The following PIGU variants were observed in gnomAD, a reference collection of about 807,000 sequenced individuals.
The protein encoded by PIGU is GPI-anchor transamidase component PIGU.
PIGU carries 24 observed loss-of-function variants against 49.9 expected under a neutral mutation model. That is an observed-to-expected ratio of 0.48 (90% CI 0.35 to 0.68). PIGU has a LOEUF of 0.68. Ranked by LOEUF, PIGU falls within the 30% of genes least tolerant of loss-of-function variation. The probability of loss-of-function intolerance (pLI) is 0.01; values close to 1 mark genes in which losing one functional copy is unlikely to be tolerated. For synonymous variants in PIGU, 220 were observed against 205.7 expected (o/e 1.07, Z -0.59); for missense variants, 490 against 532.6 (o/e 0.92, Z 0.79).
chr20:34,615,987 C>T (rs1188617924), intron 7 of PIGU, 55 bp downstream of exon 7: 2 of 1,556,778 alleles, frequency 1.3e-6, no homozygotes, highest in Non-Finnish European at 1.7e-6. Flanking sequence ...CAGCAGGGAC[C>T]AGGCCATGTA....
chr20:34,610,909 A>T (rs1984789297), intron 7 of PIGU, among the ~76,000 whole-genome samples: 1 of 152,200 alleles, frequency 6.6e-6, no homozygotes, highest in Non-Finnish European at 1.5e-5. Context: ...CCACACATCT[A>T]CAACCACCTG....
At chr20:34,569,009 A>C (rs1162344868) in intron 11 of PIGU, among the ~76,000 whole-genome samples, 2 of 152,026 alleles carry the variant, frequency 1.3e-5, no homozygotes, top group Non-Finnish European at 2.9e-5. Flanking sequence ...CAGGAGTTCG[A>C]GCTCGTAACA....
rs1986306345 is a variant in PIGU, at chr20:34,645,333, G to A, written c.197C>T (p.Thr66Ile). Residue 66 changes from threonine (T) to isoleucine (I), a missense_variant and splice_region_variant, in exon 3 of 12, where the codon ACT (threonine) becomes ATT (isoleucine). Thr to Ile is a moderately conservative substitution (Grantham distance 89). Transcript: ENST00000217446. ...ATGAAAGAGGTATATTATTAATGGA[G>A]TCTGCAGAAAAAAAACAGACATGTA... ...SPYSGAVFHETPLIIYLFHFL... is the reference protein window; with the variant it reads ...SPYSGAVFHEIPLIIYLFHFL... 1.9e-6 allele frequency: 3 copies of A among 1,562,112 alleles called. No individual in the cohort carries two copies. The highest frequency in any genetic ancestry group is 2.6e-6 in the Non-Finnish European group (3 of 1,162,032).
chr20:34,669,148 A>C (rs1792426511), intron 1 of PIGU, among the ~76,000 whole-genome samples: 1 of 151,986 alleles, frequency 6.6e-6, no homozygotes, highest in Non-Finnish European at 1.5e-5. Context: ...CAGCCTCCCA[A>C]AGTGCTGAGA....
chr20:34,644,065 T>C (rs1986251462), intron 4 of PIGU, 99 bp downstream of exon 4: 3 of 1,165,814 alleles, frequency 2.6e-6, no homozygotes, highest in Non-Finnish European at 3.8e-6. Flanking sequence ...TTCCTAGCAC[T>C]TTAAAGCATC....
At chr20:34,574,071 T>C (rs939362357) in intron 11 of PIGU, among the ~76,000 whole-genome samples, 4 of 152,186 alleles carry the variant, frequency 2.6e-5, no homozygotes, top group African/African-American at 7.2e-5. Flanking sequence ...CTATTACACA[T>C]AGGAAATGCC....
At chr20:34,573,379 C>T (rs1334688467) in intron 11 of PIGU, among the ~76,000 whole-genome samples, 2 of 152,210 alleles carry the variant, frequency 1.3e-5, no homozygotes, top group Non-Finnish European at 2.9e-5. Context: ...GTTTCTCCTG[C>T]CTTCAATGGC....
chr20:34,625,596 T>TA (rs1985449333), intron 6 of PIGU, among the ~76,000 whole-genome samples: 1 of 151,218 alleles, frequency 6.6e-6, no homozygotes, highest in South Asian at 2.1e-4. Context: ...GCTTGAGGCT[T>TA]AGAGTTCAAG....
chr20:34,581,287 C>A (rs1983447790), intron 10 of PIGU, among the ~76,000 whole-genome samples: 2 of 152,128 alleles, frequency 1.3e-5, no homozygotes, highest in African/African-American at 4.8e-5. Flanking sequence ...GTGTGAAGAT[C>A]AAATGAGCTA....
At position 34,606,254 on chromosome 20, in the gene PIGU, C is replaced by CA. The variant is rs35050660; in HGVS notation, c.627+9787dup. ...TAGGCGACAGAGTGAGACTCCGTCT[C>CA]AAAAAAAAAAAAAAAAAAAAAATTC... On this transcript the variant is annotated intron_variant, in intron 7 of 11. Transcript: ENST00000217446. Among the ~76,000 whole-genome samples the CA allele has an allele frequency of 7.0e-3, 587 of 83,282 alleles. 1 individual carries two copies. The highest frequency in any genetic ancestry group is 0.011 in the African/African-American group (250 of 21,894). 54.6% of individuals were successfully genotyped at this position (83,282 alleles called of 152,430 possible). A position where few individuals can be genotyped will look rare whatever the true frequency, so the allele number is the denominator to read the frequency against.
chr20:34,672,965 A>T lies in PIGU; in HGVS notation c.130+3991T>A, dbSNP rs575506697. Among the ~76,000 whole-genome samples, 45 of 151,946 alleles carry T rather than the reference A, an allele frequency of 3.0e-4. No individual in the cohort carries two copies. In the South Asian group the frequency reaches 9.3e-3, roughly 32 times the overall value. The stretch of plus-strand genomic sequence containing the variant: ...CAAAGAACTGATCATTCAAAAATTT[A>T]AAATGTCAGCCCGGCGTGGTGGCTC... On this transcript the variant is annotated intron_variant, in intron 1 of 11. Transcript: ENST00000217446.
intron 7 of PIGU, among the ~76,000 whole-genome samples, chr20:34,604,522 G>C (rs1359631694): frequency 1.3e-5 from 2 of 152,188 alleles, no homozygotes; most frequent in African/African-American, 4.8e-5. Context: ...GAAAATGCTT[G>C]ATCAAGCTCT....
At chr20:34,632,430 A>G (rs985749067) in intron 6 of PIGU, among the ~76,000 whole-genome samples, 5 of 150,174 alleles carry the variant, frequency 3.3e-5, no homozygotes, top group African/African-American at 1.2e-4. Context: ...GTGCAGTGGC[A>G]CAATCTTGGC....
intron 11 of PIGU, among the ~76,000 whole-genome samples, chr20:34,567,827 CT>C (rs2146692450): frequency 6.6e-6 from 1 of 151,870 alleles, no homozygotes; most frequent in African/African-American, 2.4e-5. Flanking sequence ...CTCTCTCTCT[CT>C]CCCTCCTTCA....
chr20:34,676,974 G>C lies in PIGU; in HGVS notation c.112C>G (p.Leu38Val). 6.3e-7 allele frequency: 1 copy of C among 1,578,172 alleles called. No individual in the cohort carries two copies. The highest frequency in any genetic ancestry group is 8.6e-7 in the Non-Finnish European group (1 of 1,163,004). Residue 38 changes from leucine (L) to valine (V), a missense_variant, in exon 1 of 12, where the codon CTG becomes GTG. By Grantham distance (32) the Leu-to-Val change is conservative. Coordinates refer to ENST00000217446, the MANE Select transcript of PIGU (RefSeq NM_080476.5). ...ISERVEVVSP[L>V]SSWKRVVEGL... ...GCCTCACCTCTCTTCCAAGAGCTCAGTGGGGACACCACCTCCACCCGCTCG... is the reference window on the plus strand; with the variant it reads ...GCCTCACCTCTCTTCCAAGAGCTCACTGGGGACACCACCTCCACCCGCTCG...
At chr20:34,623,357 G>A (rs1985321602) in intron 6 of PIGU, among the ~76,000 whole-genome samples, 1 of 151,606 alleles carries the variant, frequency 6.6e-6, no homozygotes, top group Non-Finnish European at 1.5e-5. Context: ...GCCTCTCTCA[G>A]AGCAATCCGT....
chr20:34,562,633 G>A, intron 11 of PIGU: 2 of 1,196,604 alleles, frequency 1.7e-6, no homozygotes, highest in Non-Finnish European at 2.2e-6. Flanking sequence ...TCAATGGTTG[G>A]CCTAAGGCTA....
At chr20:34,663,547 T>C (rs1986992049) in intron 1 of PIGU, among the ~76,000 whole-genome samples, 1 of 152,126 alleles carries the variant, frequency 6.6e-6, no homozygotes, top group Non-Finnish European at 1.5e-5. Context: ...GGGCTATAAT[T>C]ATGACTTTAA....
At chr20:34,675,689 C>T (rs936674423) in intron 1 of PIGU, among the ~76,000 whole-genome samples, 12 of 152,030 alleles carry the variant, frequency 7.9e-5, no homozygotes, top group African/African-American at 2.9e-4. Flanking sequence ...TATGCCGTTC[C>T]CCATACCAAC....
Sources: allele counts gnomAD v4.1 joint callset (sites outside exome capture counted in the v4.1 genomes callset), GRCh38; gene constraint gnomAD v4.1.1; transcripts MANE v1.5; gene names NCBI Gene and HGNC (gene_info 2026-07-23, HGNC 2026-07-21).